The following EEF2K variants were observed in gnomAD, a reference collection of about 807,000 sequenced individuals.
EEF2K encodes eukaryotic elongation factor 2 kinase.
EEF2K carries 70 observed loss-of-function variants against 93.8 expected under a neutral mutation model. The ratio of observed to expected loss-of-function variants is 0.75; its 90% CI spans 0.62 to 0.91. EEF2K has a LOEUF of 0.91. Among genes scored for constraint, EEF2K ranks in the 40% least tolerant of loss-of-function variants. The probability of loss-of-function intolerance (pLI) is 0.00; values close to 1 mark genes in which losing one functional copy is unlikely to be tolerated. For synonymous variants in EEF2K, 376 were observed against 380.8 expected, an observed-to-expected ratio of 0.99 and a Z score of 0.15; for missense variants, 935 against 972.9, an observed-to-expected ratio of 0.96 and a Z score of 0.52.
At chr16:22,269,557 A>G (rs988616860) in intron 15 of EEF2K, among the ~76,000 whole-genome samples, 1 of 151,942 alleles carries the variant, frequency 6.6e-6, no homozygotes. Flanking sequence ...GCCTGCCACC[A>G]CACCTGGCTA....
intron 1 of EEF2K, among the ~76,000 whole-genome samples, chr16:22,212,412 C>T (rs2046923475): frequency 6.6e-6 from 1 of 152,052 alleles, no homozygotes; most frequent in African/African-American, 2.4e-5. Context: ...CAACCTCCGC[C>T]TCCCAGGTTC....
intron 17 of EEF2K, among the ~76,000 whole-genome samples, chr16:22,282,720 C>T (rs192451759): frequency 7.9e-5 from 12 of 152,252 alleles, no homozygotes; most frequent in East Asian, 1.9e-4. Context: ...TTGGACTTGC[C>T]GGGCTCTAGA....
At chr16:22,260,387 C>T (rs2047450267) in intron 10 of EEF2K, 75 bp from the exon 11 acceptor site, 1 of 1,558,304 alleles carries the variant, frequency 6.4e-7, no homozygotes, top group Middle Eastern at 1.7e-4. Context: ...GTATGGACCG[C>T]CCTAGGCCGT....
At chr16:22,254,323 C>T (rs1186897934) in intron 6 of EEF2K, among the ~76,000 whole-genome samples, 3 of 152,204 alleles carry the variant, frequency 2.0e-5, no homozygotes, top group South Asian at 4.1e-4. Flanking sequence ...CTCTGAGAAC[C>T]GCCGCTCCCT....
intron 2 of EEF2K, among the ~76,000 whole-genome samples, chr16:22,240,191 G>A (rs868800): frequency 0.024 from 3,711 of 151,876 alleles, 156 homozygotes; most frequent in African/African-American, 0.083. Flanking sequence ...ATTTACAACA[G>A]GGAGCAATCA....
intron 2 of EEF2K, among the ~76,000 whole-genome samples, chr16:22,234,540 G>C (rs1357425714): frequency 6.9e-6 from 1 of 144,596 alleles, no homozygotes; most frequent in African/African-American, 2.6e-5. Flanking sequence ...CTGGGCAACA[G>C]GAAAAAAAAA....
chr16:22,223,262 G>GTTTTTTTTTTTTTTTTTTTTTGTT (rs58446693), intron 1 of EEF2K, among the ~76,000 whole-genome samples: 22 of 107,458 alleles, frequency 2.0e-4, no homozygotes, highest in African/African-American at 7.2e-4. Context: ...GTTTTTTTCT[G>GTTTTTTTTTTTTTTTTTTTTTGTT]TTTTTTTTTT....
chr16:22,232,012 A>AAC (rs1213178752), intron 2 of EEF2K, among the ~76,000 whole-genome samples: 1 of 150,482 alleles, frequency 6.6e-6, no homozygotes, highest in Non-Finnish European at 1.5e-5. Flanking sequence ...AAAAAAAAAA[A>AAC]AAAAAAAAGC....
chr16:22,212,342 G>C (rs74375539), intron 1 of EEF2K, among the ~76,000 whole-genome samples: 1 of 141,952 alleles, frequency 7.0e-6, no homozygotes, highest in African/African-American at 2.6e-5. Flanking sequence ...TTTTTTTTTT[G>C]AGACAGAGTC....
chr16:22,271,148 T>TG (rs777867768), intron 15 of EEF2K, among the ~76,000 whole-genome samples: 1 of 151,602 alleles, frequency 6.6e-6, no homozygotes, highest in Admixed American at 6.6e-5. Flanking sequence ...TTTTGTATTT[T>TG]TAGTAGAGAA....
At chr16:22,247,729 T>A (rs1169556441) in intron 3 of EEF2K, among the ~76,000 whole-genome samples, 1 of 152,192 alleles carries the variant, frequency 6.6e-6, no homozygotes, top group Non-Finnish European at 1.5e-5. Flanking sequence ...TATCTTTGAG[T>A]CTTCATTCTG....
intron 2 of EEF2K, among the ~76,000 whole-genome samples, chr16:22,229,443 G>C (rs544627211): frequency 4.6e-5 from 7 of 152,186 alleles, no homozygotes; most frequent in Non-Finnish European, 8.8e-5. Flanking sequence ...AGCCGGGCGC[G>C]GTGGCTCACG....
chr16:22,208,165 C>G (rs1272377885), intron 1 of EEF2K, among the ~76,000 whole-genome samples: 1 of 152,172 alleles, frequency 6.6e-6, no homozygotes, highest in Non-Finnish European at 1.5e-5. Context: ...ATGGGGAGGC[C>G]AGAAGACAGA....
chr16:22,250,543 A>C lies in EEF2K; in HGVS notation c.409-111A>C. ...CCCCAGGGATTTCAGGATTGAGATG[A>C]GGCCCAGGGCACCCATTTGATAGGT... is the stretch of plus-strand genomic sequence containing the variant. On this transcript the variant is annotated intron_variant, in intron 4 of 17. Coordinates refer to ENST00000263026, the MANE Select transcript of EEF2K (RefSeq NM_013302.5). 4 of 1,311,230 alleles carry C rather than the reference A, an allele frequency of 3.1e-6. No homozygotes were observed. The South Asian group carries it at 5.1e-5, about 17-fold the overall frequency. The allele number at this position is 1,311,230 out of a possible 1,614,324, so 81.2% of individuals were successfully genotyped here.
rs2047765904 is a variant in EEF2K, at chr16:22,287,880, G to A, written c.*3884G>A. 1 of 152,016 alleles carries A rather than the reference G, an allele frequency of 6.6e-6. No individual in the cohort carries two copies. Among genetic ancestry groups the A allele is most frequent in the African/African-American group, 2.4e-5 (1 of 41,360 alleles). 9.4% of individuals were successfully genotyped at this position (152,016 alleles called of 1,614,324 possible). A position where few individuals can be genotyped will look rare whatever the true frequency, so the allele number is the denominator to read the frequency against. On this transcript the variant is annotated 3_prime_UTR_variant, in exon 18 of 18. Coordinates refer to ENST00000263026, the MANE Select transcript of EEF2K (RefSeq NM_013302.5). ...TTTGTTACTCAGGCTGGAGTGCAGT[G>A]GCATGATCATAACTCATTGTAGGCT...
At chr16:22,248,626 A>C in intron 3 of EEF2K, 129 bp from the exon 4 acceptor site, 1 of 1,072,772 alleles carries the variant, frequency 9.3e-7, no homozygotes, top group Non-Finnish European at 1.4e-6. Context: ...TGGCTGGGCT[A>C]TGGGCCAAGG....
At chr16:22,247,420 C>T (rs1198180493) in intron 3 of EEF2K, among the ~76,000 whole-genome samples, 1 of 150,826 alleles carries the variant, frequency 6.6e-6, no homozygotes, top group Non-Finnish European at 1.5e-5. Flanking sequence ...TGCACTCCAG[C>T]CTGGGTGATG....
intron 16 of EEF2K, among the ~76,000 whole-genome samples, chr16:22,279,193 GT>G (rs1301375584): frequency 1.4e-5 from 2 of 147,732 alleles, no homozygotes; most frequent in Non-Finnish European, 3.0e-5. Flanking sequence ...TGGGAAAATT[GT>G]TGTAATATAC....
intron 6 of EEF2K, among the ~76,000 whole-genome samples, chr16:22,253,953 G>C (rs549780158): frequency 2.0e-5 from 3 of 152,060 alleles, no homozygotes; most frequent in Admixed American, 2.0e-4. Context: ...TACAAAATTA[G>C]CTGGGCATGG....
Sources: allele counts gnomAD v4.1 joint callset (sites outside exome capture counted in the v4.1 genomes callset), GRCh38; gene constraint gnomAD v4.1.1; transcripts MANE v1.5; gene names NCBI Gene and HGNC (gene_info 2026-07-23, HGNC 2026-07-21).